SWAP70: variants seen among roughly 807,000 people sequenced by gnomAD.
SWAP70 encodes the protein switch-associated protein 70.
SWAP70 carries 34 observed loss-of-function variants against 80.2 expected under a neutral mutation model. The observed-to-expected ratio is 0.42, with a 90% confidence interval of 0.32 to 0.56. The LOEUF (loss-of-function observed/expected upper bound fraction) is 0.56. Ranked by LOEUF, SWAP70 falls within the 20% of genes least tolerant of loss-of-function variation. The pLI is 0.09. For missense variants in SWAP70, 578 were observed against 690.7 expected, an observed-to-expected ratio of 0.84 and a Z score of 1.83; for synonymous variants, 239 against 238.5, an observed-to-expected ratio of 1.00 and a Z score of -0.02.
chr11:9,669,482 G>C (rs1011553624), intron 1 of SWAP70, among the ~76,000 whole-genome samples: 12 of 152,224 alleles, frequency 7.9e-5, no homozygotes, highest in African/African-American at 2.9e-4. Flanking sequence ...CACCTGCCTC[G>C]GTCACCCAAA....
chr11:9,725,329 T>C (rs1466424921), intron 4 of SWAP70, among the ~76,000 whole-genome samples: 1 of 151,200 alleles, frequency 6.6e-6, no homozygotes, highest in Non-Finnish European at 1.5e-5. Context: ...GTATTAGGCT[T>C]TCATTAAAAA....
intron 3 of SWAP70, among the ~76,000 whole-genome samples, chr11:9,724,418 A>G (rs186082977): frequency 4.6e-5 from 7 of 152,324 alleles, no homozygotes; most frequent in Non-Finnish European, 8.8e-5. Context: ...GCAGACAAAT[A>G]TACTACACTA....
chr11:9,689,990 A>G (rs1183652378), intron 1 of SWAP70, among the ~76,000 whole-genome samples: 1 of 152,214 alleles, frequency 6.6e-6, no homozygotes, highest in African/African-American at 2.4e-5. Flanking sequence ...GAGGGAAGGT[A>G]GCAAAGCATG....
Position 9,742,334 on chromosome 11 carries a change from C to A in SWAP70, c.1355+1987C>A, listed in dbSNP as rs369120242. Among the ~76,000 whole-genome samples, 4 of 151,702 alleles carry A rather than the reference C, an allele frequency of 2.6e-5. No homozygotes were observed. In the South Asian group the frequency reaches 6.3e-4, roughly 24 times the overall value. The stretch of plus-strand genomic sequence containing the variant: ...GGAACCTGAAATGGACAAATTTGCC[C>A]CCCTGCTCCCTTTTTTTTTCTGAGA... On this transcript the variant is annotated intron_variant, in intron 9 of 11. Transcript: ENST00000318950.
At chr11:9,727,395 A>AT (rs1204479134) in intron 4 of SWAP70, among the ~76,000 whole-genome samples, 37 of 150,216 alleles carry the variant, frequency 2.5e-4, no homozygotes, top group Admixed American at 4.7e-4. Context: ...CTAAAAAAAA[A>AT]TTTTTTTTTT....
chr11:9,671,651 T>C (rs1485671172), intron 1 of SWAP70, among the ~76,000 whole-genome samples: 3 of 96,956 alleles, frequency 3.1e-5, no homozygotes, highest in Non-Finnish European at 5.8e-5. Context: ...TCTATATAAA[T>C]ATATTTCTAT....
chr11:9,740,389 C>T, intron 9 of SWAP70, 42 bp downstream of exon 9: 1 of 1,599,544 alleles, frequency 6.3e-7, no homozygotes, highest in Non-Finnish European at 8.6e-7. Flanking sequence ...TGTACTTTGC[C>T]TGGGCTAATA....
intron 2 of SWAP70, among the ~76,000 whole-genome samples, chr11:9,700,983 G>A (rs950385989): frequency 6.6e-6 from 1 of 152,054 alleles, no homozygotes; most frequent in Non-Finnish European, 1.5e-5. Context: ...TTGCCTGGGA[G>A]AATTATTCTG....
In SWAP70 at chr11:9,724,821, G is replaced by T. The variant is rs760230317; in HGVS notation, c.578G>T (p.Arg193Leu). The T allele has an allele frequency of 6.2e-7, 1 of 1,613,828 alleles. No homozygotes were observed. Among genetic ancestry groups the T allele is most frequent in the Non-Finnish European group, 8.5e-7 (1 of 1,179,962 alleles). Reference protein sequence around the residue: ...GNGQFSKGMDRQTVSMAINEV... With the variant: ...GNGQFSKGMDLQTVSMAINEV... ...GGACAGTTTAGCAAAGGCATGGACC[G>T]GCAGACTGTGTCTATGGCAATTAAT... The change falls in exon 4 of 12, where the codon CGG becomes CTG. Residue 193 changes from arginine to leucine, a missense_variant. Arg to Leu is a moderately radical substitution (Grantham distance 102). Coordinates refer to ENST00000318950, the MANE Select transcript of SWAP70 (RefSeq NM_015055.4).
intron 7 of SWAP70, among the ~76,000 whole-genome samples, chr11:9,737,078 C>T (rs950276478): frequency 7.2e-5 from 11 of 152,332 alleles, no homozygotes; most frequent in Admixed American, 5.9e-4. Context: ...TTTAGCTGGT[C>T]CGTGTGTTAG....
chr11:9,734,860 A>G (rs1314767655), intron 7 of SWAP70, among the ~76,000 whole-genome samples: 1 of 152,112 alleles, frequency 6.6e-6, no homozygotes, highest in Non-Finnish European at 1.5e-5. Flanking sequence ...CCTGGGTTCA[A>G]GCAATCCACC....
chr11:9,681,541 A>G (rs1228532285), intron 1 of SWAP70, among the ~76,000 whole-genome samples: 3 of 152,174 alleles, frequency 2.0e-5, no homozygotes, highest in Non-Finnish European at 4.4e-5. Flanking sequence ...TTTAATGACT[A>G]AAGGTGAGAG....
rs1565111718 is a variant in SWAP70 at position 9,675,373 on chromosome 11, GAGAGAGA to G, written c.99+11096_99+11102del. Among the ~76,000 whole-genome samples the G allele has an allele frequency of 4.6e-4, 26 of 56,586 alleles. 1 individual carries two copies. Among genetic ancestry groups the G allele is most frequent in the Non-Finnish European group, 9.0e-4 (21 of 23,396 alleles). 37.1% of individuals were successfully genotyped at this position (56,586 alleles called of 152,430 possible). A position where few individuals can be genotyped will look rare whatever the true frequency, so the allele number is the denominator to read the frequency against. ...AGAGAGAGAGAGAGAGAGAGAGAGA[GAGAGAGA>G]GAGAGAGAGAGAGAGAGAGAGAGAG... On this transcript the variant is annotated intron_variant, in intron 1 of 11. Coordinates refer to ENST00000318950, the MANE Select transcript of SWAP70 (RefSeq NM_015055.4).
At chr11:9,720,370 C>A (rs1851118965) in intron 3 of SWAP70, 1 of 985,298 alleles carries the variant, frequency 1.0e-6, no homozygotes. Flanking sequence ...TGGCAAGCTA[C>A]TTCTAGAGCT....
At chr11:9,712,916 C>G (rs1367907717) in intron 2 of SWAP70, among the ~76,000 whole-genome samples, 6 of 152,100 alleles carry the variant, frequency 3.9e-5, no homozygotes, top group South Asian at 4.1e-4. Context: ...AGGTTGGTCT[C>G]AAACTCCTGA....
At chr11:9,699,506 C>A (rs12291809) in intron 2 of SWAP70, among the ~76,000 whole-genome samples, 1 of 151,756 alleles carries the variant, frequency 6.6e-6, no homozygotes, top group African/African-American at 2.4e-5. Context: ...TATATACTTA[C>A]AATAAAACTA....
At chr11:9,716,527 T>C (rs542217574) in intron 3 of SWAP70, among the ~76,000 whole-genome samples, 1 of 152,336 alleles carries the variant, frequency 6.6e-6, no homozygotes, top group African/African-American at 2.4e-5. Context: ...TCCCCATCTG[T>C]AAAATGGGGA....
At chr11:9,704,689 T>C (rs1294595867) in intron 2 of SWAP70, among the ~76,000 whole-genome samples, 1 of 152,124 alleles carries the variant, frequency 6.6e-6, no homozygotes, top group Non-Finnish European at 1.5e-5. Flanking sequence ...CACTGTGCCC[T>C]GCTAGAGTTC....
chr11:9,709,275 C>T (rs1850963698), intron 2 of SWAP70, among the ~76,000 whole-genome samples: 1 of 150,326 alleles, frequency 6.7e-6, no homozygotes, highest in African/African-American at 2.5e-5. Flanking sequence ...AAGGCACATG[C>T]CAACATGCTC....
Sources: gnomAD v4.1 joint callset for allele counts (sites outside exome capture counted in the v4.1 genomes callset) on GRCh38, gnomAD v4.1.1 for gene constraint, MANE v1.5 for transcripts, NCBI Gene and HGNC (gene_info 2026-07-23, HGNC 2026-07-21) for gene names.